Variants in LRRC1 observed in about 807,000 individuals in gnomAD.
LRRC1 encodes leucine-rich repeat-containing protein 1.
In LRRC1, 28 loss-of-function variants were observed where a neutral mutation model predicts 69.9. The observed-to-expected ratio is 0.40, with a 90% confidence interval of 0.30 to 0.55. LRRC1 has a LOEUF of 0.55. Among genes scored for constraint, LRRC1 ranks in the 20% least tolerant of loss-of-function variants. The probability of loss-of-function intolerance (pLI) is 0.47; values close to 1 mark genes in which losing one functional copy is unlikely to be tolerated. For missense variants in LRRC1, 498 were observed against 609.0 expected, an observed-to-expected ratio of 0.82 and a Z score of 1.92; for synonymous variants, 236 against 240.2, an observed-to-expected ratio of 0.98 and a Z score of 0.16.
At position 53,919,484 on chromosome 6, in the gene LRRC1, A is replaced by G; in HGVS notation, c.1107-14A>G. 1 of 1,490,700 alleles carries G rather than the reference A, an allele frequency of 6.7e-7. No individual in the cohort carries two copies. The highest frequency in any genetic ancestry group is 8.9e-7 in the Non-Finnish European group (1 of 1,126,210). The allele number at this position is 1,490,700 out of a possible 1,614,324, so 92.3% of individuals were successfully genotyped here. A position where few individuals can be genotyped will look rare whatever the true frequency, so the allele number is the denominator to read the frequency against. On this transcript the variant is annotated splice_polypyrimidine_tract_variant and intron_variant, in intron 11 of 13. Coordinates refer to ENST00000370888, the MANE Select transcript of LRRC1 (RefSeq NM_018214.5). ...TTGTGATGTCTCTTTTTTTAAAAAA[A>G]AAAAAAAAAACAGGTTGCTGCATCT... is the stretch of plus-strand genomic sequence containing the variant.
At chr6:53,904,493 TAATTATGAAGA>T (rs1177845521) in intron 10 of LRRC1, 31 bp downstream of exon 10, 1 of 1,346,680 alleles carries the variant, frequency 7.4e-7, no homozygotes, top group Non-Finnish European at 1.0e-6. Flanking sequence ...CACATGATAA[TAATTATGAAGA>T]AATAATAATA....
intron 4 of LRRC1, among the ~76,000 whole-genome samples, chr6:53,891,297 C>G (rs1428029954): frequency 6.6e-6 from 1 of 151,502 alleles, no homozygotes; most frequent in East Asian, 1.9e-4. Context: ...GTCATTCCAG[C>G]AGTATTGTGT....
At position 53,892,607 on chromosome 6, in the gene LRRC1, A is replaced by G. The variant is rs540274985; in HGVS notation, c.447-3891A>G. 2.6e-5 allele frequency among the ~76,000 whole-genome samples: 4 copies of G among 152,324 alleles called. No homozygotes were observed. In the South Asian group the frequency reaches 8.3e-4, roughly 32 times the overall value. ...GAATTCAATGGGTTGCTTTGATGGG[A>G]CAGGGACTTGATTGAAGATACTGTA... On this transcript the variant is annotated intron_variant, in intron 4 of 13. Transcript: ENST00000370888.
intron 2 of LRRC1, among the ~76,000 whole-genome samples, chr6:53,863,668 C>T (rs1219510347): frequency 6.6e-6 from 1 of 152,126 alleles, no homozygotes; most frequent in East Asian, 1.9e-4. Flanking sequence ...AGCTATTCAC[C>T]CTTTTTCTCT....
At chr6:53,902,222 T>C (rs953487624) in intron 8 of LRRC1, among the ~76,000 whole-genome samples, 4 of 152,260 alleles carry the variant, frequency 2.6e-5, no homozygotes, top group Admixed American at 6.5e-5. Context: ...GGGATCTTCG[T>C]TGAGTCATTT....
chr6:53,800,701 GCA>G (rs1764456639), intron 1 of LRRC1, among the ~76,000 whole-genome samples: 4 of 151,338 alleles, frequency 2.6e-5, no homozygotes, highest in Admixed American at 2.6e-4. Context: ...GTGTGGTGAT[GCA>G]GTCTTGGCTC....
intron 4 of LRRC1, among the ~76,000 whole-genome samples, chr6:53,885,273 T>A (rs1174424091): frequency 6.6e-6 from 1 of 152,240 alleles, no homozygotes; most frequent in Admixed American, 6.5e-5. Context: ...GTGTACTACA[T>A]TTAAAGCAAA....
intron 4 of LRRC1, among the ~76,000 whole-genome samples, chr6:53,894,280 A>C (rs1479874716): frequency 6.6e-6 from 1 of 152,198 alleles, no homozygotes; most frequent in African/African-American, 2.4e-5. Context: ...TACTAACCAG[A>C]TGAGATGGCT....
At chr6:53,829,393 G>T (rs1765367558) in intron 1 of LRRC1, among the ~76,000 whole-genome samples, 1 of 152,214 alleles carries the variant, frequency 6.6e-6, no homozygotes, top group African/African-American at 2.4e-5. Context: ...GTAAAAAGTA[G>T]TGTTGTAAAG....
At chr6:53,857,206 G>A (rs907485163) in intron 2 of LRRC1, among the ~76,000 whole-genome samples, 5 of 152,202 alleles carry the variant, frequency 3.3e-5, no homozygotes, top group African/African-American at 1.2e-4. Flanking sequence ...AATGAAGTCA[G>A]TCAGGGAGAG....
intron 1 of LRRC1, among the ~76,000 whole-genome samples, chr6:53,829,487 C>T (rs1253594518): frequency 6.6e-6 from 1 of 152,112 alleles, no homozygotes; most frequent in East Asian, 1.9e-4. Flanking sequence ...ATGAGATGTT[C>T]TTCATTAAAG....
rs182493176 is a variant in LRRC1 at position 53,871,779 on chromosome 6, C to T, written c.278-7214C>T. On this transcript the variant is annotated intron_variant, in intron 2 of 13. Coordinates refer to ENST00000370888, the MANE Select transcript of LRRC1 (RefSeq NM_018214.5). ...GCCTCCCAGGTTCAAGCGATTCTCC[C>T]GCCTCAACCTCCTGAGTAGCCGGGA... Among the ~76,000 whole-genome samples the T allele has an allele frequency of 4.7e-3, 712 of 152,078 alleles. 2 individuals are homozygous for T. Among genetic ancestry groups the T allele is most frequent in the Non-Finnish European group, 7.3e-3 (494 of 67,980 alleles).
intron 1 of LRRC1, among the ~76,000 whole-genome samples, chr6:53,839,733 G>T (rs1765712746): frequency 6.6e-6 from 1 of 152,032 alleles, no homozygotes; most frequent in Non-Finnish European, 1.5e-5. Flanking sequence ...ATATTATAAT[G>T]TTATGACTGT....
chr6:53,901,864 C>A (rs539442816), intron 8 of LRRC1, among the ~76,000 whole-genome samples: 1 of 152,244 alleles, frequency 6.6e-6, no homozygotes, highest in Non-Finnish European at 1.5e-5. Flanking sequence ...AGGCAAGATA[C>A]GCCTTTCGGT....
chr6:53,846,458 G>A (rs1043999972), intron 2 of LRRC1, among the ~76,000 whole-genome samples: 16 of 152,210 alleles, frequency 1.1e-4, no homozygotes, highest in Admixed American at 9.2e-4. Flanking sequence ...GCACGCGGTC[G>A]ACTTTGGGCA....
At chr6:53,902,045 G>C (rs1239932513) in intron 8 of LRRC1, among the ~76,000 whole-genome samples, 1 of 152,212 alleles carries the variant, frequency 6.6e-6, no homozygotes, top group Non-Finnish European at 1.5e-5. Context: ...CTAGTGGCTA[G>C]TGGGGACTCT....
intron 1 of LRRC1, among the ~76,000 whole-genome samples, chr6:53,809,447 A>G (rs1002216654): frequency 6.6e-6 from 1 of 152,184 alleles, no homozygotes; most frequent in Non-Finnish European, 1.5e-5. Context: ...GCTGGTAACT[A>G]TAGTGATTCA....
chr6:53,920,984 T>C (rs1413319004), intron 13 of LRRC1, among the ~76,000 whole-genome samples: 3 of 152,136 alleles, frequency 2.0e-5, no homozygotes, highest in African/African-American at 4.8e-5. Flanking sequence ...TTCTTCTTTT[T>C]TGAGACAGAG....
intron 1 of LRRC1, among the ~76,000 whole-genome samples, chr6:53,820,286 A>G (rs1765080577): frequency 6.6e-6 from 1 of 151,680 alleles, no homozygotes; most frequent in Non-Finnish European, 1.5e-5. Flanking sequence ...TATACTCTTC[A>G]GCAAGTTAAC....
Sources: allele counts gnomAD v4.1 joint callset (sites outside exome capture counted in the v4.1 genomes callset), GRCh38; gene constraint gnomAD v4.1.1; transcripts MANE v1.5; gene names NCBI Gene and HGNC (gene_info 2026-07-23, HGNC 2026-07-21).